AGMO: variants seen among roughly 807,000 people sequenced by gnomAD.
AGMO encodes the protein alkylglycerol monooxygenase.
In AGMO, 75 loss-of-function variants were observed where a neutral mutation model predicts 60.2. That is an observed-to-expected ratio of 1.25 (90% CI 1.03 to 1.51). The LOEUF (loss-of-function observed/expected upper bound fraction) is 1.51. AGMO is among the 40% of genes most tolerant of loss of function. The pLI is 0.00. For synonymous variants in AGMO, 261 were observed against 177.1 expected (o/e 1.47, Z -3.76); for missense variants, 763 against 525.5 (o/e 1.45, Z -4.42).
chr7:15,265,460 G>C (rs1192501627), intron 12 of AGMO, among the ~76,000 whole-genome samples: 2 of 151,646 alleles, frequency 1.3e-5, no homozygotes, highest in Non-Finnish European at 2.9e-5. Flanking sequence ...AAAGAAAAAA[G>C]AACAGAATAG....
rs531361830 is a variant in AGMO at position 15,366,599 on chromosome 7, C to A, written c.1075-377G>T. Among the ~76,000 whole-genome samples, 4 of 151,998 alleles carry A rather than the reference C, an allele frequency of 2.6e-5. No individual in the cohort carries two copies. In the East Asian group the frequency reaches 7.7e-4, roughly 29 times the overall value. On this transcript the variant is annotated intron_variant, in intron 10 of 12. Coordinates refer to ENST00000342526, the MANE Select transcript of AGMO (RefSeq NM_001004320.2). ...TTAGCCATTTTTAGTATAACAAAAT[C>A]TTTGTGGTTTCAAATGCAAAGCTTT...
At chr7:15,512,089 T>A (rs775154058) in intron 3 of AGMO, among the ~76,000 whole-genome samples, 1 of 152,164 alleles carries the variant, frequency 6.6e-6, no homozygotes, top group Non-Finnish European at 1.5e-5. Context: ...TGACTTCTTT[T>A]GTAGCAGAAT....
At chr7:15,340,468 G>T (rs372944203) in intron 12 of AGMO, among the ~76,000 whole-genome samples, 1 of 152,134 alleles carries the variant, frequency 6.6e-6, no homozygotes, top group African/African-American at 2.4e-5. Flanking sequence ...CCTGTCACAG[G>T]CCAGGAGGCC....
chr7:15,289,005 C>T (rs1331778773), intron 12 of AGMO, among the ~76,000 whole-genome samples: 1 of 151,696 alleles, frequency 6.6e-6, no homozygotes, highest in Non-Finnish European at 1.5e-5. Flanking sequence ...GTTCTATTAC[C>T]TGACATTTTT....
At chr7:15,123,374 A>C in the AGMO span, among the ~76,000 whole-genome samples, 15 of 152,074 alleles carry the variant, frequency 9.9e-5, no homozygotes, top group Non-Finnish European at 2.9e-5. Flanking sequence ...AAGCCATATG[A>C]GATCTGAGAA....
intron 10 of AGMO, among the ~76,000 whole-genome samples, chr7:15,376,701 C>T (rs922920568): frequency 1.3e-5 from 2 of 151,956 alleles, no homozygotes; most frequent in Non-Finnish European, 2.9e-5. Flanking sequence ...GTAGAACATG[C>T]TAGTGCAATA....
At chr7:15,261,368 G>A (rs145975409) in intron 12 of AGMO, among the ~76,000 whole-genome samples, 1 of 151,978 alleles carries the variant, frequency 6.6e-6, no homozygotes, top group African/African-American at 2.4e-5. Context: ...ATGCTACTAT[G>A]AACATCTTTA....
chr7:15,463,747 T>C (rs1240099725), intron 3 of AGMO, among the ~76,000 whole-genome samples: 1 of 152,134 alleles, frequency 6.6e-6, no homozygotes, highest in Non-Finnish European at 1.5e-5. Context: ...AAAATTTGAG[T>C]TGAGCCTTTT....
chr7:15,142,119 A>C, the AGMO span, among the ~76,000 whole-genome samples: 1 of 152,176 alleles, frequency 6.6e-6, no homozygotes, highest in Non-Finnish European at 1.5e-5. Flanking sequence ...CTTAATCTCT[A>C]AGCCTTTATT....
rs892047787 is a variant in AGMO, at chr7:15,244,366, C to G, written c.1264-43007G>C. 7.2e-5 allele frequency among the ~76,000 whole-genome samples: 11 copies of G among 152,156 alleles called. No homozygotes were observed. The South Asian group carries it at 1.5e-3, about 20-fold the overall frequency. On this transcript the variant is annotated intron_variant, in intron 12 of 12. Coordinates refer to ENST00000342526, the MANE Select transcript of AGMO (RefSeq NM_001004320.2). ...CTCTCCCTTTTTTTGTAAAGTTCCTCTAAAAAAGAGGCTATAGACTGTATA... is the reference window on the plus strand; with the variant it reads ...CTCTCCCTTTTTTTGTAAAGTTCCTGTAAAAAAGAGGCTATAGACTGTATA...
the AGMO span, among the ~76,000 whole-genome samples, chr7:15,168,266 G>T: frequency 6.6e-6 from 1 of 152,162 alleles, no homozygotes; most frequent in Admixed American, 6.5e-5. Context: ...ATACGCTGGT[G>T]GTAGGTCTCA....
the AGMO span, among the ~76,000 whole-genome samples, chr7:15,142,276 G>C: frequency 8.5e-5 from 13 of 152,234 alleles, no homozygotes; most frequent in African/African-American, 2.6e-4. Flanking sequence ...GAAATCCAAA[G>C]TTAGTTATTA....
In AGMO at chr7:15,543,841, C is replaced by G. The variant is rs1318913380; in HGVS notation, c.409+931G>C. Among the ~76,000 whole-genome samples the G allele has an allele frequency of 2.0e-5, 3 of 151,404 alleles. No homozygotes were observed. The South Asian group carries it at 6.3e-4, about 32-fold the overall frequency. ...GGCAATTCCAGTGGGATTGCCGGAT[C>G]AAATGGTGGATCTACTTTTCCTTCT... On this transcript the variant is annotated intron_variant, in intron 3 of 12. Transcript: ENST00000342526.
At chr7:15,285,712 G>GA (rs1197869010) in intron 12 of AGMO, among the ~76,000 whole-genome samples, 1 of 151,850 alleles carries the variant, frequency 6.6e-6, no homozygotes, top group Non-Finnish European at 1.5e-5. Flanking sequence ...AACAGAACTC[G>GA]AAAAAATATC....
At chr7:15,357,072 C>T (rs1024553415) in intron 12 of AGMO, among the ~76,000 whole-genome samples, 1 of 147,722 alleles carries the variant, frequency 6.8e-6, no homozygotes, top group African/African-American at 2.5e-5. Flanking sequence ...TGCAGTGAGC[C>T]AAGATTGCAC....
intron 10 of AGMO, among the ~76,000 whole-genome samples, chr7:15,372,329 T>C (rs1056260784): frequency 5.9e-5 from 9 of 152,122 alleles, no homozygotes; most frequent in African/African-American, 2.2e-4. Context: ...CACACACCTG[T>C]AGTCCCAGCT....
intron 3 of AGMO, among the ~76,000 whole-genome samples, chr7:15,452,394 AAC>A (rs1293576314): frequency 2.6e-5 from 4 of 152,194 alleles, no homozygotes; most frequent in South Asian, 4.1e-4. Flanking sequence ...AAAATAGAAA[AAC>A]ACACAGTCTT....
intron 2 of AGMO, among the ~76,000 whole-genome samples, chr7:15,559,437 T>A (rs534181123): frequency 8.6e-5 from 13 of 151,744 alleles, no homozygotes; most frequent in African/African-American, 3.1e-4. Context: ...TGCTGAAGAG[T>A]GTGATGTCTA....
intron 12 of AGMO, among the ~76,000 whole-genome samples, chr7:15,267,966 C>T (rs889420003): frequency 5.3e-5 from 8 of 151,750 alleles, no homozygotes; most frequent in African/African-American, 1.2e-4. Flanking sequence ...AATTAAATTT[C>T]TTTGTTATCC....
Sources: gnomAD v4.1 joint callset for allele counts (sites outside exome capture counted in the v4.1 genomes callset) on GRCh38, gnomAD v4.1.1 for gene constraint, MANE v1.5 for transcripts, NCBI Gene and HGNC (gene_info 2026-07-23, HGNC 2026-07-21) for gene names.